The following USP25 variants were observed in gnomAD, a reference collection of about 807,000 sequenced individuals.
The protein encoded by USP25 is ubiquitin specific peptidase 25.
USP25 carries 85 observed loss-of-function variants against 158.5 expected under a neutral mutation model. That is an observed-to-expected ratio of 0.54 (90% confidence interval 0.45 to 0.64). The LOEUF (loss-of-function observed/expected upper bound fraction) is 0.64, where lower values mean the gene tolerates loss of function less well. Among genes scored for constraint, USP25 ranks in the 30% least tolerant of loss-of-function variants. The probability of loss-of-function intolerance (pLI) is 0.00; values close to 1 mark genes in which losing one functional copy is unlikely to be tolerated. For synonymous variants in USP25, 464 were observed against 460.4 expected (o/e 1.01, Z -0.10); for missense variants, 1,242 against 1,327.3 (o/e 0.94, Z 1.00).
At chr21:15,806,657 T>C (rs1051351107) in intron 7 of USP25, among the ~76,000 whole-genome samples, 1 of 152,174 alleles carries the variant, frequency 6.6e-6, no homozygotes, top group Admixed American at 6.5e-5. Context: ...GTGATTCTTT[T>C]TCTTTAGAGG....
intron 17 of USP25, among the ~76,000 whole-genome samples, chr21:15,840,922 A>G (rs1384457159): frequency 1.3e-5 from 2 of 152,208 alleles, no homozygotes; most frequent in African/African-American, 2.4e-5. Context: ...CCAGCCCTAA[A>G]GCAGCTGGCA....
chr21:15,730,840 T>C (rs540933025), intron 1 of USP25, among the ~76,000 whole-genome samples: 1 of 152,150 alleles, frequency 6.6e-6, no homozygotes, highest in African/African-American at 2.4e-5. Flanking sequence ...AGGCCTGCTA[T>C]TTTGCAAAAC....
intron 18 of USP25, among the ~76,000 whole-genome samples, chr21:15,842,880 A>G (rs896217700): frequency 6.6e-6 from 1 of 152,152 alleles, no homozygotes; most frequent in African/African-American, 2.4e-5. Context: ...CTCCATCTGT[A>G]ATCTGATTAC....
chr21:15,803,414 G>A (rs2036226705), intron 6 of USP25, among the ~76,000 whole-genome samples: 1 of 151,764 alleles, frequency 6.6e-6, no homozygotes, highest in Non-Finnish European at 1.5e-5. Context: ...TCATAGAGAA[G>A]TGGGGCTTAT....
chr21:15,842,595 C>T lies in USP25; in HGVS notation c.2337+55C>T, dbSNP rs1601097662. The T allele has an allele frequency of 9.4e-6, 15 of 1,595,308 alleles. No individual in the cohort carries two copies. The East Asian group carries it at 3.1e-4, about 33-fold the overall frequency. ...ATAGCCATGGTCACGACATTTCCTC[C>T]AGTATAGTGGAGAGGGACCTGTCAG... On this transcript the variant is annotated intron_variant, in intron 18 of 25. Coordinates refer to ENST00000400183, the MANE Select transcript of USP25 (RefSeq NM_001283041.3).
chr21:15,758,918 A>C (rs1211488621), intron 1 of USP25, among the ~76,000 whole-genome samples: 1 of 152,154 alleles, frequency 6.6e-6, no homozygotes, highest in Non-Finnish European at 1.5e-5. Flanking sequence ...GGATTATGGG[A>C]GCTACAACTC....
intron 8 of USP25, among the ~76,000 whole-genome samples, chr21:15,809,127 CT>C (rs1328554122): frequency 2.6e-5 from 4 of 152,154 alleles, no homozygotes; most frequent in African/African-American, 7.2e-5. Context: ...TCAATAATCA[CT>C]TTTCATGACG....
At chr21:15,814,446 G>A (rs186714814) in intron 9 of USP25, among the ~76,000 whole-genome samples, 4 of 152,218 alleles carry the variant, frequency 2.6e-5, no homozygotes, top group Non-Finnish European at 5.9e-5. Flanking sequence ...GAAGGGCTCA[G>A]AAGAAGATAG....
intron 4 of USP25, among the ~76,000 whole-genome samples, chr21:15,783,447 C>T (rs1480753514): frequency 2.0e-5 from 3 of 152,004 alleles, no homozygotes. Context: ...CCCTCAAAAT[C>T]CTCTCAAAGG....
At chr21:15,736,318 A>T (rs2071803833) in intron 1 of USP25, among the ~76,000 whole-genome samples, 1 of 152,072 alleles carries the variant, frequency 6.6e-6, no homozygotes, top group African/African-American at 2.4e-5. Flanking sequence ...GGCTGGTCTT[A>T]AACTCCTGAC....
intron 6 of USP25, 55 bp from the exon 7 acceptor site, chr21:15,805,066 A>C: frequency 2.0e-6 from 3 of 1,500,004 alleles, no homozygotes; most frequent in Non-Finnish European, 2.7e-6. Flanking sequence ...TATTAGTAAA[A>C]ATTTTCTTAA....
At chr21:15,792,201 T>C (rs1358038227) in intron 5 of USP25, among the ~76,000 whole-genome samples, 1 of 151,474 alleles carries the variant, frequency 6.6e-6, no homozygotes, top group Non-Finnish European at 1.5e-5. Context: ...CTTTTTTTAC[T>C]AAGAAATCCC....
intron 4 of USP25, among the ~76,000 whole-genome samples, chr21:15,784,115 G>A (rs1022387643): frequency 1.3e-5 from 2 of 152,294 alleles, no homozygotes; most frequent in Admixed American, 1.3e-4. Flanking sequence ...GAAAATATGT[G>A]AAAATACAAA....
At chr21:15,824,796 A>G (rs975085045) in intron 11 of USP25, among the ~76,000 whole-genome samples, 170 bp from the exon 12 acceptor site, 1 of 152,122 alleles carries the variant, frequency 6.6e-6, no homozygotes, top group Non-Finnish European at 1.5e-5. Flanking sequence ...TTTGTATTTT[A>G]GTAGAGACGA....
At chr21:15,781,408 TTGAAGAA>T (rs1239697203) in intron 4 of USP25, among the ~76,000 whole-genome samples, 2 of 152,202 alleles carry the variant, frequency 1.3e-5, no homozygotes, top group Non-Finnish European at 2.9e-5. Context: ...GTTCATCTCA[TTGAAGAA>T]CACATTAGAG....
In USP25 at chr21:15,737,089, T is replaced by C. The variant is rs1015188167; in HGVS notation, c.45+6651T>C. Among the ~76,000 whole-genome samples the C allele has an allele frequency of 3.9e-5, 6 of 152,128 alleles. No individual in the cohort carries two copies. In the East Asian group the frequency reaches 1.2e-3, roughly 29 times the overall value. On this transcript the variant is annotated intron_variant, in intron 1 of 25. Transcript: ENST00000400183. Reference sequence around the variant, plus strand: ...TTCTCAGGAATTTTTCTTCCACTCTTTTCCTCATCTTCATTTAAAACTACA... The same window carrying C: ...TTCTCAGGAATTTTTCTTCCACTCTCTTCCTCATCTTCATTTAAAACTACA...
intron 17 of USP25, among the ~76,000 whole-genome samples, chr21:15,834,589 A>T (rs982224417): frequency 1.3e-5 from 2 of 152,226 alleles, no homozygotes; most frequent in Non-Finnish European, 2.9e-5. Context: ...AGGAATTATT[A>T]CTTCAATAGA....
At chr21:15,818,639 CTTAATT>C in intron 9 of USP25, 53 bp from the exon 10 acceptor site, 3 of 1,470,734 alleles carry the variant, frequency 2.0e-6, no homozygotes, top group Non-Finnish European at 2.8e-6. Context: ...CTTACGTACT[CTTAATT>C]TTAGTAGCCA....
intron 18 of USP25, among the ~76,000 whole-genome samples, chr21:15,846,710 A>G (rs753426278): frequency 9.2e-5 from 14 of 152,174 alleles, no homozygotes; most frequent in Non-Finnish European, 1.8e-4. Context: ...CAGTTACTTA[A>G]GTTGTTTTCA....
Sources: allele counts gnomAD v4.1 joint callset (sites outside exome capture counted in the v4.1 genomes callset), GRCh38; gene constraint gnomAD v4.1.1; transcripts MANE v1.5; gene names NCBI Gene and HGNC (gene_info 2026-07-23, HGNC 2026-07-21).